PRMT9: variants seen among roughly 807,000 people sequenced by gnomAD.
The protein encoded by PRMT9 is protein arginine N-methyltransferase 9.
In PRMT9, 59 loss-of-function variants were observed where a neutral mutation model predicts 83.2. That is an observed-to-expected ratio of 0.71 (90% confidence interval 0.57 to 0.88). PRMT9 has a LOEUF of 0.88. PRMT9 is among the 40% of genes least tolerant of loss of function. PRMT9 has a pLI of 0.00. For synonymous variants in PRMT9, 333 were observed against 353.2 expected (o/e 0.94, Z 0.64); for missense variants, 947 against 1,021.9 (o/e 0.93, Z 1.00).
chr4:147,671,843 T>C (rs1735752458), intron 4 of PRMT9: 2 of 456,082 alleles, frequency 4.4e-6, no homozygotes, highest in African/African-American at 4.0e-5. Flanking sequence ...CTGACTCATG[T>C]CCCTCTCAAA....
intron 2 of PRMT9, among the ~76,000 whole-genome samples, chr4:147,678,513 C>T (rs966393056): frequency 6.6e-6 from 1 of 152,196 alleles, no homozygotes; most frequent in African/African-American, 2.4e-5. Context: ...GCCTGACTGC[C>T]ATCCTTTGAA....
intron 8 of PRMT9, among the ~76,000 whole-genome samples, chr4:147,656,771 C>CAAAAAAAAAAAAAAAAAAAAAA (rs1023416920): frequency 2.7e-4 from 13 of 47,934 alleles, no homozygotes; most frequent in Non-Finnish European, 4.3e-4. Flanking sequence ...GACTCTGTCT[C>CAAAAAAAAAAAAAAAAAAAAAA]AAAAAAAAAA....
Position 147,672,973 on chromosome 4 carries a change from T to G in PRMT9, c.729A>C (p.Lys243Asn), listed in dbSNP as rs1434596422. The G allele has an allele frequency of 1.2e-6, 2 of 1,613,620 alleles. No individual in the cohort carries two copies. The highest frequency in any genetic ancestry group is 1.7e-6 in the Non-Finnish European group (2 of 1,179,710). The change falls in exon 4 of 12, where the codon AAA becomes AAC. Residue 243 changes from lysine (K) to asparagine (N), a missense_variant. Coordinates refer to ENST00000322396, the MANE Select transcript of PRMT9 (RefSeq NM_138364.4). ...CATGATAATACCTTTCGGGAATATGTTTTGGAATCTCTATGTCAAGTGACT... is the reference window on the plus strand; with the variant it reads ...CATGATAATACCTTTCGGGAATATGGTTTGGAATCTCTATGTCAAGTGACT... ...HTKSLDIEIP[K>N]HIPERVSLVV...
chr4:147,673,462 G>C (rs1214104578), intron 3 of PRMT9, among the ~76,000 whole-genome samples, 176 bp downstream of exon 3: 2 of 152,064 alleles, frequency 1.3e-5, no homozygotes, highest in African/African-American at 2.4e-5. Context: ...TTTCTTAGCA[G>C]TTATGTCCAG....
chr4:147,667,442 C>A lies in PRMT9; in HGVS notation c.953+1097G>T, dbSNP rs77460708. On this transcript the variant is annotated intron_variant, in intron 6 of 11. Coordinates refer to ENST00000322396, the MANE Select transcript of PRMT9 (RefSeq NM_138364.4). The stretch of plus-strand genomic sequence containing the variant: ...TTAAACAAAATTAAATTTACACACA[C>A]CTACATTTACTTAAATGGAACTAAT... 5.3e-3 allele frequency among the ~76,000 whole-genome samples: 809 copies of A among 152,266 alleles called. 50 individuals carry two copies. The East Asian group carries it at 0.14, about 26-fold the overall frequency.
At chr4:147,665,966 A>T (rs1472487420) in intron 6 of PRMT9, among the ~76,000 whole-genome samples, 1 of 152,226 alleles carries the variant, frequency 6.6e-6, no homozygotes, top group East Asian at 1.9e-4. Context: ...ATAGATTCCC[A>T]GACACGGAAA....
chr4:147,654,583 G>C lies in PRMT9; in HGVS notation c.1331-17C>G. On this transcript the variant is annotated splice_polypyrimidine_tract_variant and intron_variant, in intron 8 of 11. Coordinates refer to ENST00000322396, the MANE Select transcript of PRMT9 (RefSeq NM_138364.4). ...TCCAGTAGTCTTCATTAAATAGTAAGGAAGAAAAAAAATATGGAGTACTTA... is the reference window on the plus strand; with the variant it reads ...TCCAGTAGTCTTCATTAAATAGTAACGAAGAAAAAAAATATGGAGTACTTA... The C allele has an allele frequency of 2.0e-6, 3 of 1,526,874 alleles. No homozygotes were observed. Among genetic ancestry groups the C allele is most frequent in the Non-Finnish European group, 2.7e-6 (3 of 1,104,980 alleles). The allele number at this position is 1,526,874 out of a possible 1,614,324, so 94.6% of individuals were successfully genotyped here. A position where few individuals can be genotyped will look rare whatever the true frequency, so the allele number is the denominator to read the frequency against.
chr4:147,654,103 A>T lies in PRMT9; in HGVS notation c.1794T>A (p.Ala598=). The T allele has an allele frequency of 6.2e-7, 1 of 1,614,206 alleles. No homozygotes were observed. Among genetic ancestry groups the T allele is most frequent in the Non-Finnish European group, 8.5e-7 (1 of 1,180,018 alleles). The change falls in exon 9 of 12, where the codon GCT becomes GCA. Residue 598 remains alanine (A), a synonymous_variant. Transcript: ENST00000322396. ...SEGFSVLPVI[A]GTLGQVKPYS... is the part of the protein sequence containing the mutation. Reference sequence around the variant, plus strand: ...ATGGTTTAACCTGCCCAAGTGTGCCAGCAATAACAGGCAGAACAGAGAAGC... The same window carrying T: ...ATGGTTTAACCTGCCCAAGTGTGCCTGCAATAACAGGCAGAACAGAGAAGC...
chr4:147,670,399 G>A (rs2036501), intron 5 of PRMT9, among the ~76,000 whole-genome samples: 130,927 of 151,880 alleles, frequency 0.86, 58,641 homozygotes, highest in Non-Finnish European at 0.98. Context: ...GGCTGGTCTC[G>A]AACTCCCGAC....
chr4:147,651,204 T>C (rs1734076041), intron 9 of PRMT9, among the ~76,000 whole-genome samples: 1 of 152,150 alleles, frequency 6.6e-6, no homozygotes, highest in African/African-American at 2.4e-5. Flanking sequence ...CATGTATATT[T>C]TTATATACAC....
chr4:147,654,375 T>C lies in PRMT9; in HGVS notation c.1522A>G (p.Thr508Ala). 6.2e-7 allele frequency: 1 copy of C among 1,614,234 alleles called. No homozygotes were observed. The highest frequency in any genetic ancestry group is 2.2e-5 in the East Asian group (1 of 44,890). Residue 508 changes from threonine (T) to alanine (A), a missense_variant, in exon 9 of 12, where the codon ACC becomes GCC. By Grantham distance (58) the Thr-to-Ala change is moderately conservative (BLOSUM62 0). Transcript: ENST00000322396. Reference protein sequence around the residue: ...ELCSALANLQTSKPDAVEQTC... With the variant: ...ELCSALANLQASKPDAVEQTC... ...TGCTCTACAGCATCTGGTTTACTGG[T>C]CTGAAGGTTAGCGAGGGCACTACAA...
rs887459236 is a variant in PRMT9, at chr4:147,656,508, C to T, written c.1330+1284G>A. The stretch of plus-strand genomic sequence containing the variant: ...GGTCTTGCAGCCGGGCACGGTGGCT[C>T]ACACCTGTAATGCCAGCACTTTGGG... On this transcript the variant is annotated intron_variant, in intron 8 of 11. Coordinates refer to ENST00000322396, the MANE Select transcript of PRMT9 (RefSeq NM_138364.4). 3.3e-5 allele frequency among the ~76,000 whole-genome samples: 5 copies of T among 152,042 alleles called. No homozygotes were observed. The East Asian group carries it at 9.7e-4, about 29-fold the overall frequency.
intron 1 of PRMT9, among the ~76,000 whole-genome samples, chr4:147,682,911 C>T (rs189142181): frequency 2.0e-5 from 3 of 152,314 alleles, no homozygotes; most frequent in South Asian, 4.1e-4. Flanking sequence ...GACACCTCCC[C>T]TCCCCCATAA....
At chr4:147,672,184 G>A in intron 4 of PRMT9, 1 of 247,004 alleles carries the variant, frequency 4.0e-6, no homozygotes, top group Non-Finnish European at 8.1e-6. Flanking sequence ...TAAATGTAGA[G>A]ACGATTGAAA....
intron 7 of PRMT9, among the ~76,000 whole-genome samples, chr4:147,658,828 G>A (rs1463171401): frequency 6.6e-6 from 1 of 152,170 alleles, no homozygotes; most frequent in Non-Finnish European, 1.5e-5. Flanking sequence ...GCTGGGCATG[G>A]TGGCTCACGC....
intron 6 of PRMT9, among the ~76,000 whole-genome samples, chr4:147,666,819 T>C (rs1297257298): frequency 1.4e-5 from 2 of 142,662 alleles, no homozygotes; most frequent in Non-Finnish European, 3.0e-5. Flanking sequence ...TGCTGAACTT[T>C]GTTTAAAAAA....
At chr4:147,666,813 G>C (rs1358039708) in intron 6 of PRMT9, among the ~76,000 whole-genome samples, 1 of 130,166 alleles carries the variant, frequency 7.7e-6, no homozygotes, top group East Asian at 2.3e-4. Flanking sequence ...CCATAATGCT[G>C]AACTTTGTTT....
intron 6 of PRMT9, among the ~76,000 whole-genome samples, chr4:147,664,836 C>T (rs770764047): frequency 2.6e-5 from 4 of 151,598 alleles, no homozygotes; most frequent in East Asian, 1.9e-4. Context: ...AAAAACAGGC[C>T]GGGCACAGTG....
At chr4:147,652,209 TA>T (rs1281769628) in intron 9 of PRMT9, among the ~76,000 whole-genome samples, 3 of 151,666 alleles carry the variant, frequency 2.0e-5, no homozygotes, top group Admixed American at 1.3e-4. Flanking sequence ...TTAATTAATT[TA>T]AAAAAAACTG....
Sources: gnomAD v4.1 joint callset for allele counts (sites outside exome capture counted in the v4.1 genomes callset) on GRCh38, gnomAD v4.1.1 for gene constraint, MANE v1.5 for transcripts, NCBI Gene and HGNC (gene_info 2026-07-23, HGNC 2026-07-21) for gene names.